Variants in CCDC3 observed in about 807,000 individuals in gnomAD.
CCDC3 encodes coiled-coil domain containing 3, also known as coiled-coil domain-containing protein 3.
CCDC3 carries 24 observed loss-of-function variants against 21.4 expected under a neutral mutation model. The ratio of observed to expected loss-of-function variants is 1.12; its 90% CI spans 0.81 to 1.58. CCDC3 has a LOEUF of 1.58. CCDC3 is among the 40% of genes most tolerant of loss of function. CCDC3 has a pLI of 0.00. For missense variants in CCDC3, 425 were observed against 360.9 expected, an observed-to-expected ratio of 1.18 and a Z score of -1.44; for synonymous variants, 186 against 166.0, an observed-to-expected ratio of 1.12 and a Z score of -0.93.
intron 2 of CCDC3, among the ~76,000 whole-genome samples, chr10:12,946,714 C>T (rs1031850956): frequency 6.6e-6 from 1 of 152,158 alleles, no homozygotes; most frequent in Non-Finnish European, 1.5e-5. Flanking sequence ...TCACCATGCC[C>T]TAAGACTCAA....
chr10:12,989,938 A>C (rs1222337387), intron 2 of CCDC3, among the ~76,000 whole-genome samples: 2 of 152,092 alleles, frequency 1.3e-5, no homozygotes, highest in East Asian at 3.9e-4. Flanking sequence ...AGAAAAAAAA[A>C]AATGCCAGTT....
At chr10:13,014,518 C>A (rs1836027041) in intron 5 of CCDC3, among the ~76,000 whole-genome samples, 1 of 149,696 alleles carries the variant, frequency 6.7e-6, no homozygotes, top group Non-Finnish European at 1.5e-5. Context: ...AAGACTAATG[C>A]AACACACAAT....
chr10:13,067,815 G>A (rs929082456), intron 4 of CCDC3, among the ~76,000 whole-genome samples: 4 of 152,184 alleles, frequency 2.6e-5, no homozygotes, highest in African/African-American at 4.8e-5. Context: ...CACTTGGCAC[G>A]GCTAGTTGGG....
At chr10:12,977,401 CT>C (rs1259994249) in intron 2 of CCDC3, among the ~76,000 whole-genome samples, 1 of 152,132 alleles carries the variant, frequency 6.6e-6, no homozygotes, top group Non-Finnish European at 1.5e-5. Context: ...TCTTGGTGTC[CT>C]TAAGTGCCTG....
chr10:12,977,300 A>G (rs1175242130), intron 2 of CCDC3, among the ~76,000 whole-genome samples: 7 of 151,982 alleles, frequency 4.6e-5, no homozygotes, highest in African/African-American at 1.7e-4. Flanking sequence ...AAAGGAAAGG[A>G]AAGGGGAAAG....
chr10:13,089,431 A>G (rs1277441837), intron 3 of CCDC3, among the ~76,000 whole-genome samples: 2 of 152,098 alleles, frequency 1.3e-5, no homozygotes, highest in Non-Finnish European at 2.9e-5. Flanking sequence ...ACTTGATTAG[A>G]GTCTTCAATT....
intron 5 of CCDC3, among the ~76,000 whole-genome samples, chr10:13,044,575 A>G (rs951900161): frequency 1.3e-5 from 2 of 152,192 alleles, no homozygotes; most frequent in South Asian, 4.1e-4. Flanking sequence ...ACAGCCAGCT[A>G]TCCCAGCACC....
At position 13,071,301 on chromosome 10, in the gene CCDC3, C is replaced by A. The variant is rs184564560; in HGVS notation, c.-270+2567G>T. On this transcript the variant is annotated intron_variant, in intron 4 of 6. Transcript: ENST00000378839. ...TATAATAAGGAGTCCACGCAACCCC[C>A]CCTCAAGACGTATTTTTGTCCCAAA... 8.3e-3 allele frequency among the ~76,000 whole-genome samples: 1,261 copies of A among 152,230 alleles called. 18 individuals carry two copies. The highest frequency in any genetic ancestry group is 0.028 in the African/African-American group (1,175 of 41,506).
At chr10:12,917,504 C>T (rs116378654) in intron 2 of CCDC3, among the ~76,000 whole-genome samples, 191 of 152,082 alleles carry the variant, frequency 1.3e-3, no homozygotes, top group African/African-American at 4.3e-3. Flanking sequence ...CCAGAAATGT[C>T]CTTATTTCTA....
chr10:12,983,100 C>A lies in CCDC3; in HGVS notation c.549+15238G>T, dbSNP rs556804156. Among the ~76,000 whole-genome samples the A allele has an allele frequency of 2.0e-3, 281 of 138,056 alleles. 2 individuals carry two copies. Among genetic ancestry groups the A allele is most frequent in the Admixed American group, 3.8e-3 (50 of 13,270 alleles). The allele number at this position is 138,056 out of a possible 152,430, so 90.6% of individuals were successfully genotyped here. A position where few individuals can be genotyped will look rare whatever the true frequency, so the allele number is the denominator to read the frequency against. On this transcript the variant is annotated intron_variant, in intron 2 of 2. Coordinates refer to ENST00000378825, the MANE Select transcript of CCDC3 (RefSeq NM_031455.4). The stretch of plus-strand genomic sequence containing the variant: ...ACACTCCACCCTGGGTGATGGCTGT[C>A]TCAAAAAATAAATAAATAAATAAAA...
At chr10:12,946,860 T>C (rs1285001059) in intron 2 of CCDC3, among the ~76,000 whole-genome samples, 1 of 152,196 alleles carries the variant, frequency 6.6e-6, no homozygotes, top group Middle Eastern at 3.2e-3. Context: ...TCTCATCCTG[T>C]ACTACCTCAA....
chr10:12,901,014 C>T (rs984994940), intron 2 of CCDC3, among the ~76,000 whole-genome samples: 5 of 152,300 alleles, frequency 3.3e-5, no homozygotes, highest in South Asian at 2.1e-4. Context: ...CCCAAGGTCA[C>T]GCCCCCTTCT....
At chr10:12,918,658 C>A (rs1054952624) in intron 2 of CCDC3, among the ~76,000 whole-genome samples, 13 of 152,176 alleles carry the variant, frequency 8.5e-5, no homozygotes, top group Non-Finnish European at 1.8e-4. Context: ...TGTAGGAGAA[C>A]AGTTAAATAA....
chr10:13,096,190 TC>T, intron 3 of CCDC3, among the ~76,000 whole-genome samples: 1 of 79,110 alleles, frequency 1.3e-5, no homozygotes, highest in Non-Finnish European at 3.3e-5. Flanking sequence ...TCTCTCTCTC[TC>T]TCTTTCTTTT....
chr10:12,991,696 T>A (rs1298798939), intron 2 of CCDC3, among the ~76,000 whole-genome samples: 3 of 152,202 alleles, frequency 2.0e-5, no homozygotes, highest in Non-Finnish European at 4.4e-5. Flanking sequence ...CCAGTCAAGA[T>A]GAAGCAAGCC....
chr10:12,963,999 C>CA (rs771805673), intron 2 of CCDC3, among the ~76,000 whole-genome samples: 8 of 152,070 alleles, frequency 5.3e-5, no homozygotes, highest in African/African-American at 1.4e-4. Context: ...CTACAAGGTA[C>CA]AAGTCAGTGA....
rs115083206 is a variant in CCDC3, at chr10:13,028,488, C to G, written c.-2+21186G>C. On this transcript the variant is annotated intron_variant, in intron 5 of 6. Coordinates refer to the CCDC3 transcript ENST00000378839. ...TAGAAGAGGAGTGAACCAGACCACC[C>G]AGACAGCTGAACAACTCATTGGGAT... 2.8e-3 allele frequency among the ~76,000 whole-genome samples: 429 copies of G among 152,226 alleles called. 5 individuals are homozygous for G. The highest frequency in any genetic ancestry group is 1.0e-2 in the African/African-American group (414 of 41,528).
intron 5 of CCDC3, among the ~76,000 whole-genome samples, chr10:13,031,413 C>T (rs867015218): frequency 1.3e-5 from 2 of 152,038 alleles, no homozygotes; most frequent in African/African-American, 4.8e-5. Context: ...AAAATTGACA[C>T]CCTAACATCA....
At chr10:12,984,154 A>G (rs1173824895) in intron 2 of CCDC3, among the ~76,000 whole-genome samples, 1 of 152,240 alleles carries the variant, frequency 6.6e-6, no homozygotes, top group Non-Finnish European at 1.5e-5. Context: ...TACAAATCAT[A>G]CATGTGATAA....
Sources: gnomAD v4.1 joint callset for allele counts (sites outside exome capture counted in the v4.1 genomes callset) on GRCh38, gnomAD v4.1.1 for gene constraint, MANE v1.5 for transcripts, NCBI Gene and HGNC (gene_info 2026-07-23, HGNC 2026-07-21) for gene names.